SLCO1A2: variants seen among roughly 807,000 people sequenced by gnomAD.
SLCO1A2 encodes the protein solute carrier organic anion transporter family member 1A2, also known as OATP-1.
A neutral mutation model predicts 69.0 loss-of-function variants in SLCO1A2; 67 were observed. That is an observed-to-expected ratio of 0.97 (90% CI 0.80 to 1.19). The LOEUF (loss-of-function observed/expected upper bound fraction) is 1.19. Ranked by LOEUF, SLCO1A2 falls within the 50% of genes most tolerant of loss-of-function variation. The probability of loss-of-function intolerance (pLI) is 0.00; values close to 1 mark genes in which losing one functional copy is unlikely to be tolerated. For missense variants in SLCO1A2, 787 were observed against 793.7 expected, an observed-to-expected ratio of 0.99 and a Z score of 0.10; for synonymous variants, 260 against 265.9, an observed-to-expected ratio of 0.98 and a Z score of 0.22.
intron 4 of SLCO1A2, among the ~76,000 whole-genome samples, chr12:21,307,518 G>A (rs572914084): frequency 1.3e-5 from 2 of 152,070 alleles, no homozygotes; most frequent in Non-Finnish European, 2.9e-5. Context: ...CATAATGAGA[G>A]GCCTTAAGAG....
At chr12:21,396,709 G>A (rs918858279), upstream of SLCO1A2, among the ~76,000 whole-genome samples, 5 of 152,090 alleles carry the variant, frequency 3.3e-5, no homozygotes, top group African/African-American at 9.7e-5. Context: ...GAGAGTGGGG[G>A]CTAATATTCA....
rs1490278913 is a variant in SLCO1A2, at chr12:21,411,672, A to G, written c.-312+6210T>C. ...GAAGCTACAGATCAATTTGGGAAGAAATGTCATCAGTATAATTTTTTTTTT... is the reference window on the plus strand; with the variant it reads ...GAAGCTACAGATCAATTTGGGAAGAGATGTCATCAGTATAATTTTTTTTTT... On this transcript the variant is annotated intron_variant, in intron 1 of 4. Coordinates refer to the SLCO1A2 transcript ENST00000413682. Among the ~76,000 whole-genome samples the G allele has an allele frequency of 2.1e-5, 3 of 141,568 alleles. No homozygotes were observed. In the Admixed American group the frequency reaches 2.2e-4, roughly 10 times the overall value. The allele number at this position is 141,568 out of a possible 152,430, so 92.9% of individuals were successfully genotyped here.
intron 14 of SLCO1A2, among the ~76,000 whole-genome samples, chr12:21,272,007 C>T (rs912949699): frequency 6.6e-6 from 1 of 151,242 alleles, no homozygotes; most frequent in Admixed American, 6.6e-5. Context: ...TTTATGTTTA[C>T]TATAATTTAT....
chr12:21,418,782 G>T (rs566989833), upstream of SLCO1A2, among the ~76,000 whole-genome samples: 2 of 152,248 alleles, frequency 1.3e-5, no homozygotes, highest in East Asian at 1.9e-4. Context: ...CAAACTTAAA[G>T]AAGTAAGGGG....
At chr12:21,350,972 CTT>C (rs1193480391) in intron 2 of SLCO1A2, among the ~76,000 whole-genome samples, 1 of 149,550 alleles carries the variant, frequency 6.7e-6, no homozygotes, top group Admixed American at 6.7e-5. Context: ...CTTAAAATCT[CTT>C]GTTACTTAGT....
intron 1 of SLCO1A2, among the ~76,000 whole-genome samples, chr12:21,415,278 C>T (rs1941971635): frequency 6.6e-6 from 1 of 152,088 alleles, no homozygotes; most frequent in Admixed American, 6.6e-5. Flanking sequence ...TACCATACTA[C>T]CATTATCTAG....
intron 2 of SLCO1A2, among the ~76,000 whole-genome samples, chr12:21,364,383 T>G (rs1055485135): frequency 6.6e-5 from 10 of 152,184 alleles, no homozygotes; most frequent in Non-Finnish European, 1.0e-4. Context: ...AACTAGGTAT[T>G]GATGGGATGT....
intron 2 of SLCO1A2, among the ~76,000 whole-genome samples, chr12:21,320,456 C>T (rs965994787): frequency 4.6e-5 from 7 of 151,950 alleles, no homozygotes; most frequent in African/African-American, 7.2e-5. Context: ...CTAATTCATC[C>T]GTTATTGCTC....
intron 1 of SLCO1A2, among the ~76,000 whole-genome samples, chr12:21,393,393 A>G (rs1022115240): frequency 1.3e-5 from 2 of 152,184 alleles, no homozygotes; most frequent in Non-Finnish European, 2.9e-5. Flanking sequence ...AATGATATAC[A>G]CTGATTCTAT....
intron 12 of SLCO1A2, among the ~76,000 whole-genome samples, chr12:21,286,021 GGAGAAGGAAAT>G (rs1945718981): frequency 6.6e-6 from 1 of 151,988 alleles, no homozygotes; most frequent in African/African-American, 2.4e-5. Context: ...CAATCAGGCA[GGAGAAGGAAAT>G]AAAAGGTATT....
At chr12:21,395,189 G>A (rs970496872) in exon 1 of SLCO1A2, 9 of 153,460 alleles carry the variant, frequency 5.9e-5, no homozygotes, top group African/African-American at 1.9e-4. Context: ...GCCAAAGCAG[G>A]GTGAGGCATT....
At chr12:21,371,250 C>T (rs763978765) in intron 2 of SLCO1A2, among the ~76,000 whole-genome samples, 1 of 152,132 alleles carries the variant, frequency 6.6e-6, no homozygotes, top group African/African-American at 2.4e-5. Context: ...TTATGGAAAG[C>T]TGCTTTCCAT....
chr12:21,392,416 A>G (rs1220502381), intron 1 of SLCO1A2, among the ~76,000 whole-genome samples: 32 of 152,126 alleles, frequency 2.1e-4, no homozygotes, highest in Non-Finnish European at 2.9e-5. Flanking sequence ...GGCTTCTTAA[A>G]TTTCCTAAGT....
chr12:21,373,202 A>G (rs1363526362), intron 2 of SLCO1A2: 1 of 671,858 alleles, frequency 1.5e-6, no homozygotes, highest in Non-Finnish European at 2.7e-6. Context: ...AAGGGACTGT[A>G]TCAATAAAAA....
intron 1 of SLCO1A2, among the ~76,000 whole-genome samples, chr12:21,413,237 C>CTTTTT (rs3983534): frequency 0.048 from 4,782 of 99,114 alleles, 438 homozygotes; most frequent in Non-Finnish European, 0.062. Flanking sequence ...TTTTCTTTTT[C>CTTTTT]TTTTTTTTTT....
intron 1 of SLCO1A2, among the ~76,000 whole-genome samples, chr12:21,414,187 G>A (rs563456927): frequency 2.0e-5 from 3 of 151,626 alleles, no homozygotes; most frequent in African/African-American, 2.4e-5. Context: ...TCTGCTTTTC[G>A]TTATTGGGCC....
chr12:21,382,760 A>T (rs1591904306), intron 1 of SLCO1A2, among the ~76,000 whole-genome samples: 1 of 145,694 alleles, frequency 6.9e-6, no homozygotes, highest in Non-Finnish European at 1.5e-5. Flanking sequence ...ATGCCACTAC[A>T]CTCCAGCCTG....
At chr12:21,388,307 T>C (rs1175257188) in intron 1 of SLCO1A2, among the ~76,000 whole-genome samples, 4 of 151,862 alleles carry the variant, frequency 2.6e-5, no homozygotes, top group Non-Finnish European at 5.9e-5. Flanking sequence ...AATGATATGA[T>C]TTGGCTGTGT....
At chr12:21,387,134 A>AATTTCTAAGC (rs1940921307) in intron 1 of SLCO1A2, among the ~76,000 whole-genome samples, 1 of 152,090 alleles carries the variant, frequency 6.6e-6, no homozygotes, top group African/African-American at 2.4e-5. Flanking sequence ...TGGTGGAAAA[A>AATTTCTAAGC]ATTTCTAAGC....
Sources: gnomAD v4.1 joint callset for allele counts (sites outside exome capture counted in the v4.1 genomes callset) on GRCh38, gnomAD v4.1.1 for gene constraint, MANE v1.5 for transcripts, NCBI Gene and HGNC (gene_info 2026-07-23, HGNC 2026-07-21) for gene names.